The following UEVLD variants were observed in gnomAD, a reference collection of about 807,000 sequenced individuals.
UEVLD encodes ubiquitin-conjugating enzyme E2 variant 3.
In UEVLD, 47 loss-of-function variants were observed where a neutral mutation model predicts 58.6. The ratio of observed to expected loss-of-function variants is 0.80; its 90% CI spans 0.63 to 1.02. UEVLD has a LOEUF of 1.02. Ranked by LOEUF, UEVLD falls within the 50% of genes least tolerant of loss-of-function variation. The pLI, the probability that UEVLD is intolerant of heterozygous loss-of-function variation, is 0.00. For synonymous variants in UEVLD, 197 were observed against 195.3 expected, an observed-to-expected ratio of 1.01 and a Z score of -0.07; for missense variants, 510 against 550.6, an observed-to-expected ratio of 0.93 and a Z score of 0.74.
intron 10 of UEVLD, among the ~76,000 whole-genome samples, chr11:18,535,133 A>G (rs1041283744): frequency 5.3e-5 from 8 of 152,240 alleles, no homozygotes; most frequent in African/African-American, 1.9e-4. Context: ...ATTATTATAC[A>G]TTTGTAGAAG....
At chr11:18,544,602 G>A in intron 9 of UEVLD, 21 bp downstream of exon 9, 1 of 1,578,212 alleles carries the variant, frequency 6.3e-7, no homozygotes, top group Middle Eastern at 1.7e-4. Flanking sequence ...ACCACACCCA[G>A]CCTAAAAACG....
chr11:18,574,888 T>C (rs1852819878), intron 3 of UEVLD, among the ~76,000 whole-genome samples: 1 of 152,146 alleles, frequency 6.6e-6, no homozygotes, highest in Non-Finnish European at 1.5e-5. Context: ...AATATAGGTG[T>C]AATGAAGAAA....
At chr11:18,583,607 T>G (rs1174350071) in intron 1 of UEVLD, among the ~76,000 whole-genome samples, 2 of 150,910 alleles carry the variant, frequency 1.3e-5, no homozygotes, top group Non-Finnish European at 1.5e-5. Flanking sequence ...TAGTATCATT[T>G]ATTAAAAGAA....
chr11:18,545,080 T>A (rs201662128), intron 8 of UEVLD, among the ~76,000 whole-genome samples: 6,546 of 95,452 alleles, frequency 0.069, 206 homozygotes, highest in Middle Eastern at 0.11. Context: ...CTATATTTTT[T>A]TTTTTTTTTT....
intron 3 of UEVLD, among the ~76,000 whole-genome samples, chr11:18,572,671 G>C (rs1486679883): frequency 6.6e-6 from 1 of 152,046 alleles, no homozygotes; most frequent in Non-Finnish European, 1.5e-5. Flanking sequence ...GGGCATGGTG[G>C]TGCACACCAG....
intron 6 of UEVLD, among the ~76,000 whole-genome samples, chr11:18,561,008 CAA>C (rs5790040): frequency 2.4e-4 from 35 of 143,748 alleles, no homozygotes; most frequent in Non-Finnish European, 3.3e-4. Flanking sequence ...GACTCCATCT[CAA>C]AAAAAAAAAA....
intron 7 of UEVLD, among the ~76,000 whole-genome samples, chr11:18,553,154 C>CA (rs34297128): frequency 0.073 from 5,959 of 81,466 alleles, 265 homozygotes; most frequent in Non-Finnish European, 0.09. Flanking sequence ...GGTTCCGTCT[C>CA]AAAAAAAAAA....
intron 10 of UEVLD, among the ~76,000 whole-genome samples, chr11:18,535,718 C>CTT (rs56086990): frequency 3.5e-4 from 53 of 149,986 alleles, no homozygotes; most frequent in African/African-American, 1.1e-3. Flanking sequence ...GTGTGTTACA[C>CTT]TTTTTTTTTT....
chr11:18,579,829 T>C (rs971988706), intron 1 of UEVLD, among the ~76,000 whole-genome samples: 5 of 152,238 alleles, frequency 3.3e-5, no homozygotes, highest in Admixed American at 2.0e-4. Flanking sequence ...CCTTTTACAA[T>C]GGTATCAAAA....
At chr11:18,558,356 C>T in intron 6 of UEVLD, 26 bp from the exon 7 acceptor site, 13 of 1,483,782 alleles carry the variant, frequency 8.8e-6, no homozygotes, top group Non-Finnish European at 1.2e-5. Flanking sequence ...AAGAACATTA[C>T]ACTGAACATG....
intron 9 of UEVLD, among the ~76,000 whole-genome samples, chr11:18,543,315 G>C (rs1412974821): frequency 3.9e-5 from 6 of 152,264 alleles, no homozygotes; most frequent in Non-Finnish European, 8.8e-5. Flanking sequence ...CCAGCTCTTC[G>C]ATCGGGTATT....
chr11:18,578,172 G>C (rs771738196), intron 2 of UEVLD, among the ~76,000 whole-genome samples: 5 of 152,168 alleles, frequency 3.3e-5, no homozygotes, highest in Non-Finnish European at 7.4e-5. Context: ...TGTATTACTG[G>C]GGTGGGTCTA....
chr11:18,588,567 C>A (rs753646993), intron 1 of UEVLD, 46 bp downstream of exon 1: 2 of 1,602,066 alleles, frequency 1.2e-6, no homozygotes, highest in Non-Finnish European at 1.7e-6. Context: ...GAGGCACCCC[C>A]CGCAAGACCC....
chr11:18,581,421 C>T (rs1024591021), intron 1 of UEVLD, among the ~76,000 whole-genome samples: 6 of 152,102 alleles, frequency 3.9e-5, no homozygotes, highest in Admixed American at 2.0e-4. Flanking sequence ...TGGTGGCTCA[C>T]GCCTGTAATC....
intron 1 of UEVLD, 152 bp downstream of exon 1, chr11:18,588,461 G>T: frequency 1.1e-6 from 1 of 877,670 alleles, no homozygotes; most frequent in East Asian, 2.8e-5. Flanking sequence ...GCCTCCCTGG[G>T]GCCGCGCCCC....
Position 18,567,507 on chromosome 11 carries a change from G to A in UEVLD, c.358-1025C>T, listed in dbSNP as rs111935076. On this transcript the variant is annotated intron_variant, in intron 4 of 11. Coordinates refer to ENST00000396197, the MANE Select transcript of UEVLD (RefSeq NM_001040697.4). ...TACCTTTGGGGACCAAGCAGGTAAC[G>A]TTAAATGTGTGAAGCTGGCAAGTAC... Among the ~76,000 whole-genome samples the A allele has an allele frequency of 7.4e-3, 1,122 of 152,294 alleles. 13 individuals carry two copies. Among genetic ancestry groups the A allele is most frequent in the African/African-American group, 0.026 (1,070 of 41,562 alleles).
intron 3 of UEVLD, among the ~76,000 whole-genome samples, chr11:18,572,802 C>T (rs1005569984): frequency 1.1e-4 from 13 of 118,350 alleles, no homozygotes; most frequent in African/African-American, 3.6e-4. Flanking sequence ...AAAACTCCAT[C>T]TCAAAAAAAA....
intron 4 of UEVLD, among the ~76,000 whole-genome samples, chr11:18,567,804 G>A (rs1852372135): frequency 1.3e-5 from 2 of 152,282 alleles, no homozygotes; most frequent in South Asian, 4.1e-4. Flanking sequence ...TAAAGGTGCT[G>A]CAGTACTTTT....
intron 7 of UEVLD, among the ~76,000 whole-genome samples, chr11:18,554,430 C>G (rs1421192942): frequency 9.1e-5 from 10 of 109,736 alleles, no homozygotes; most frequent in Non-Finnish European, 1.6e-4. Context: ...AGTTTTTACT[C>G]TTGTTGCCCA....
Sources: allele counts gnomAD v4.1 joint callset (sites outside exome capture counted in the v4.1 genomes callset), GRCh38; gene constraint gnomAD v4.1.1; transcripts MANE v1.5; gene names NCBI Gene and HGNC (gene_info 2026-07-23, HGNC 2026-07-21).